OR6Y1: variants seen among roughly 807,000 people sequenced by gnomAD.
OR6Y1 encodes the protein olfactory receptor 6Y1.
OR6Y1 carries 1 observed loss-of-function variant against 0.4 expected under a neutral mutation model. That is an observed-to-expected ratio of 2.74 (90% CI 0.97 to 13.02). The LOEUF (loss-of-function observed/expected upper bound fraction) is 13.02, where lower values mean the gene tolerates loss of function less well. Among genes scored for constraint, OR6Y1 ranks in the 30% most tolerant of loss-of-function variants. The probability of loss-of-function intolerance (pLI) is 0.12; values close to 1 mark genes in which losing one functional copy is unlikely to be tolerated. For synonymous variants in OR6Y1, 173 were observed against 141.1 expected (o/e 1.23, Z -1.60); for missense variants, 480 against 399.8 (o/e 1.20, Z -1.71).
At chr1:158,552,783 A>G (rs559591740) in intron 1 of OR6Y1, among the ~76,000 whole-genome samples, 29 of 152,090 alleles carry the variant, frequency 1.9e-4, no homozygotes, top group African/African-American at 7.0e-4. Flanking sequence ...GGGAGGTGAG[A>G]AAAAAAAGTG....
In OR6Y1 at chr1:158,545,830, A is replaced by G. The variant is rs1251036480; in HGVS notation, c.*1298T>C. The G allele has an allele frequency of 6.6e-6, 1 of 152,132 alleles. No individual in the cohort carries two copies. Among genetic ancestry groups the G allele is most frequent in the Non-Finnish European group, 1.5e-5 (1 of 68,020 alleles). 9.4% of individuals were successfully genotyped at this position (152,132 alleles called of 1,614,324 possible). A position where few individuals can be genotyped will look rare whatever the true frequency, so the allele number is the denominator to read the frequency against. ...CATTTGTCAATTTTTGTTTTTTAAT[A>G]TCTTTTTAAAAATTGCTGAGGTTTA... On this transcript the variant is annotated 3_prime_UTR_variant, in exon 2 of 2. Transcript: ENST00000641622.
intron 1 of OR6Y1, among the ~76,000 whole-genome samples, chr1:158,553,489 A>G (rs542725953): frequency 1.3e-5 from 2 of 152,176 alleles, no homozygotes; most frequent in African/African-American, 2.4e-5. Flanking sequence ...TGATCTGATC[A>G]TGGTTCATTA....
rs750910166 is a variant in OR6Y1 at position 158,548,083 on chromosome 1, A to C, written c.23T>G (p.Val8Gly). Reference protein sequence around the residue: MTTIILEVDNHTVTTRFI... With the variant: MTTIILEGDNHTVTTRFI... ...ACGTGTTGTCACTGTATGATTATCT[A>C]CTTCCAGAATTATGGTGGTCATGAC... The change falls in exon 2 of 2, where the codon GTA becomes GGA. Residue 8 changes from valine (V) to glycine (G), a missense_variant. Coordinates refer to ENST00000641622, the MANE Select transcript of OR6Y1 (RefSeq NM_001005189.2). The C allele has an allele frequency of 3.7e-6, 6 of 1,612,884 alleles. No individual in the cohort carries two copies. In the Admixed American group the frequency reaches 1.0e-4, roughly 27 times the overall value.
chr1:158,551,735 G>C lies in OR6Y1; in HGVS notation c.-1432-2198C>G, dbSNP rs60167369. On this transcript the variant is annotated intron_variant, in intron 1 of 1. Transcript: ENST00000641622. ...TAGCTTTCACAATTGCTTGTCCATT[G>C]TAGTGATTACACACACACACACACA... Among the ~76,000 whole-genome samples, 936 of 125,712 alleles carry C rather than the reference G, an allele frequency of 7.4e-3. 33 individuals carry two copies. Among genetic ancestry groups the C allele is most frequent in the African/African-American group, 0.029 (891 of 30,338 alleles). The allele number at this position is 125,712 out of a possible 152,430, so 82.5% of individuals were successfully genotyped here. A position where few individuals can be genotyped will look rare whatever the true frequency, so the allele number is the denominator to read the frequency against.
chr1:158,554,014 C>A (rs1276105366), intron 1 of OR6Y1, among the ~76,000 whole-genome samples: 1 of 152,166 alleles, frequency 6.6e-6, no homozygotes, highest in Non-Finnish European at 1.5e-5. Context: ...TGAAAAAAAT[C>A]TTTGTTGAAC....
rs77499494 is a variant in OR6Y1, at chr1:158,547,046, G to A, written c.*82C>T. The A allele has an allele frequency of 1.6e-3, 2,184 of 1,366,146 alleles. 83 individuals carry two copies. In the African/African-American group the frequency reaches 0.029, roughly 18 times the overall value. 84.6% of individuals were successfully genotyped at this position (1,366,146 alleles called of 1,614,324 possible). A position where few individuals can be genotyped will look rare whatever the true frequency, so the allele number is the denominator to read the frequency against. On this transcript the variant is annotated 3_prime_UTR_variant, in exon 2 of 2. Coordinates refer to ENST00000641622, the MANE Select transcript of OR6Y1 (RefSeq NM_001005189.2). ...GCAGTGTTACAGTACTGGAGATTGG[G>A]GGATAACCAAAGACAAGACTGAGGG...
At chr1:158,550,078 T>C (rs1647663073) in intron 1 of OR6Y1, among the ~76,000 whole-genome samples, 1 of 151,804 alleles carries the variant, frequency 6.6e-6, no homozygotes, top group African/African-American at 2.4e-5. Context: ...TTTTTAAAAA[T>C]ATTCTGGAAA....
chr1:158,547,530 G>A lies in OR6Y1; in HGVS notation c.576C>T (p.Val192=), dbSNP rs1647579374. The part of the protein sequence containing the change: ...YFCDISPLLN[V]SCEDASQAEM... The stretch of plus-strand genomic sequence containing the variant: ...CAGCCTGTGAGGCATCCTCACAGGA[G>A]ACGTTAAGGAGTGGAGAGATATCAC... Residue 192 remains valine (V), a synonymous_variant, in exon 2 of 2, where the codon GTC becomes GTT. Transcript: ENST00000641622. The A allele has an allele frequency of 1.2e-6, 2 of 1,613,416 alleles. No individual in the cohort carries two copies. Among genetic ancestry groups the A allele is most frequent in the Non-Finnish European group, 8.5e-7 (1 of 1,179,958 alleles).
At chr1:158,550,218 CCT>C (rs763033383) in intron 1 of OR6Y1, among the ~76,000 whole-genome samples, 76,567 of 150,912 alleles carry the variant, frequency 0.51, 20,060 homozygotes, top group African/African-American at 0.61. Flanking sequence ...ATTCTCCATT[CCT>C]TTGCAATAGA....
rs1349094712 is a variant in OR6Y1, at chr1:158,547,230, G to A, written c.876C>T (p.Pro292=). Residue 292 remains proline (P), a synonymous_variant, in exon 2 of 2, where the codon CCC becomes CCT. Transcript: ENST00000641622. ...LYTVIVPLLN[P]IIYCLRNHEV... Reference sequence around the variant, plus strand: ...CATGGTTCCTCAGACAGTAAATGATGGGGTTGAGGAGTGGAACAATGACAG... The same window carrying A: ...CATGGTTCCTCAGACAGTAAATGATAGGGTTGAGGAGTGGAACAATGACAG... The A allele has an allele frequency of 1.9e-6, 3 of 1,613,564 alleles. No individual in the cohort carries two copies. Among genetic ancestry groups the A allele is most frequent in the African/African-American group, 2.7e-5 (2 of 74,532 alleles).
Position 158,547,975 on chromosome 1 carries a change from A to G in OR6Y1, c.131T>C (p.Leu44Pro), listed in dbSNP as rs776109565. The change falls in exon 2 of 2, where the codon CTG (leucine) becomes CCG (proline). Residue 44 changes from leucine (L) to proline (P), a missense_variant. Physicochemically the swap from Leu to Pro is moderately conservative, Grantham distance 98. Coordinates refer to ENST00000641622, the MANE Select transcript of OR6Y1 (RefSeq NM_001005189.2). The part of the protein sequence containing the change: ...SIFLATYLLT[L>P]LENLLIILAI... Reference sequence around the variant, plus strand: ...TAAGATGATAAGAAGATTCTCCAGCAGTGTCAGCAGATAGGTTGCCAGGAA... The same window carrying G: ...TAAGATGATAAGAAGATTCTCCAGCGGTGTCAGCAGATAGGTTGCCAGGAA... 17 of 1,613,462 alleles carry G rather than the reference A, an allele frequency of 1.1e-5. No individual in the cohort carries two copies. The East Asian group carries it at 3.6e-4, about 34-fold the overall frequency.
At position 158,552,210 on chromosome 1, in the gene OR6Y1, A is replaced by G. The variant is rs143928942; in HGVS notation, c.-1433+2056T>C. On this transcript the variant is annotated intron_variant, in intron 1 of 1. Coordinates refer to ENST00000641622, the MANE Select transcript of OR6Y1 (RefSeq NM_001005189.2). ...TTTTTTAGATTAAGCCACTCAATTT[A>G]CATATATGTATGTATGGAGATATAT... Among the ~76,000 whole-genome samples, 1,114 of 147,002 alleles carry G rather than the reference A, an allele frequency of 7.6e-3. 12 individuals are homozygous for G. Among genetic ancestry groups the G allele is most frequent in the African/African-American group, 0.027 (1,067 of 39,870 alleles).
intron 1 of OR6Y1, among the ~76,000 whole-genome samples, chr1:158,550,419 A>G (rs1380801333): frequency 1.3e-5 from 2 of 151,466 alleles, no homozygotes; most frequent in Non-Finnish European, 2.9e-5. Flanking sequence ...GGAAATAAAA[A>G]GGAAAGTGAG....
In OR6Y1 at chr1:158,547,318, G is replaced by A. The variant is rs767828479; in HGVS notation, c.788C>T (p.Thr263Ile). Residue 263 changes from threonine (T) to isoleucine (I), a missense_variant, in exon 2 of 2, where the codon ACC becomes ATC. Thr to Ile is a moderately conservative substitution (Grantham distance 89). Coordinates refer to ENST00000641622, the MANE Select transcript of OR6Y1 (RefSeq NM_001005189.2). ...VILFYSMTLFTYARPKLMYAY... is the reference protein window; with the variant it reads ...VILFYSMTLFIYARPKLMYAY... ...ATACATGAGTTTGGGACGGGCATAG[G>A]TGAAAAGTGTCATGGAATAGAAGAG... 3.2e-5 allele frequency: 52 copies of A among 1,613,468 alleles called. No individual in the cohort carries two copies. The South Asian group carries it at 4.3e-4, about 13-fold the overall frequency.
rs867878597 is a variant in OR6Y1 at position 158,547,238 on chromosome 1, G to T, written c.868C>A (p.Leu290Ile). The T allele has an allele frequency of 1.2e-6, 2 of 1,613,692 alleles. No individual in the cohort carries two copies. The highest frequency in any genetic ancestry group is 1.7e-6 in the Non-Finnish European group (2 of 1,179,984). ...SVLYTVIVPL[L>I]NPIIYCLRNH... is the part of the protein sequence containing the mutation. ...CTCAGACAGTAAATGATGGGGTTGA[G>T]GAGTGGAACAATGACAGTGTAGAGA... Residue 290 changes from leucine (L) to isoleucine (I), a missense_variant, in exon 2 of 2, where the codon CTC becomes ATC. By Grantham distance (5) the Leu-to-Ile change is conservative. Coordinates refer to ENST00000641622, the MANE Select transcript of OR6Y1 (RefSeq NM_001005189.2).
At position 158,547,262 on chromosome 1, in the gene OR6Y1, G is replaced by C; in HGVS notation, c.844C>G (p.Leu282Val). ...AYNSNKVVSV[L>V]YTVIVPLLNP... Reference sequence around the variant, plus strand: ...AGGAGTGGAACAATGACAGTGTAGAGAACAGATACCACTTTGTTGGAATTG... The same window carrying C: ...AGGAGTGGAACAATGACAGTGTAGACAACAGATACCACTTTGTTGGAATTG... The change falls in exon 2 of 2, where the codon CTC becomes GTC. Residue 282 changes from leucine (L) to valine (V), a missense_variant. Leu to Val is a conservative substitution (Grantham distance 32). Coordinates refer to ENST00000641622, the MANE Select transcript of OR6Y1 (RefSeq NM_001005189.2). 6.2e-7 allele frequency: 1 copy of C among 1,613,666 alleles called. No individual in the cohort carries two copies. The highest frequency in any genetic ancestry group is 8.5e-7 in the Non-Finnish European group (1 of 1,179,988).
chr1:158,547,857 G>A lies in OR6Y1; in HGVS notation c.249C>T (p.Ser83=), dbSNP rs1326441279. 1.2e-6 allele frequency: 2 copies of A among 1,613,552 alleles called. No homozygotes were observed. Among genetic ancestry groups the A allele is most frequent in the Admixed American group, 1.7e-5 (1 of 59,988 alleles). Residue 83 remains serine, a synonymous_variant, in exon 2 of 2, where the codon AGC becomes AGT. Coordinates refer to ENST00000641622, the MANE Select transcript of OR6Y1 (RefSeq NM_001005189.2). The part of the protein sequence containing the change: ...FLEMWYVTVI[S]PKMLVDFLSH... ...TGAGGAAGTCAACAAGCATCTTGGG[G>A]CTGATGACTGTGACATACCACATCT...
chr1:158,552,127 T>C (rs1433312535), intron 1 of OR6Y1, among the ~76,000 whole-genome samples: 1 of 151,756 alleles, frequency 6.6e-6, no homozygotes, highest in Non-Finnish European at 1.5e-5. Flanking sequence ...GTAAGGTCCA[T>C]TAAACCTCCA....
At position 158,554,285 on chromosome 1, in the gene OR6Y1, C is replaced by T. The variant is rs1049702503; in HGVS notation, c.-1452G>A. ...ACTCACCATTTTCTCAGGAATATAA[C>T]CCTTTTCCCACCTAGCTTTATCAAA... On this transcript the variant is annotated 5_prime_UTR_variant, in exon 1 of 2. Coordinates refer to ENST00000641622, the MANE Select transcript of OR6Y1 (RefSeq NM_001005189.2). The T allele has an allele frequency of 6.6e-6, 1 of 152,168 alleles. No homozygotes were observed. Among genetic ancestry groups the T allele is most frequent in the Non-Finnish European group, 1.5e-5 (1 of 68,030 alleles). 9.4% of individuals were successfully genotyped at this position (152,168 alleles called of 1,614,324 possible). A position where few individuals can be genotyped will look rare whatever the true frequency, so the allele number is the denominator to read the frequency against.
Sources: gnomAD v4.1 joint callset for allele counts (sites outside exome capture counted in the v4.1 genomes callset) on GRCh38, gnomAD v4.1.1 for gene constraint, MANE v1.5 for transcripts, NCBI Gene and HGNC (gene_info 2026-07-23, HGNC 2026-07-21) for gene names.